Variants in QSOX1 observed in about 807,000 individuals in gnomAD.
The protein encoded by QSOX1 is sulfhydryl oxidase 1.
A neutral mutation model predicts 76.1 loss-of-function variants in QSOX1; 40 were observed. The ratio of observed to expected loss-of-function variants is 0.53; its 90% CI spans 0.41 to 0.68. The LOEUF is 0.68. Ranked by LOEUF, QSOX1 falls within the 30% of genes least tolerant of loss-of-function variation. The pLI is 0.00. For missense variants in QSOX1, 931 were observed against 974.3 expected (o/e 0.96, Z 0.59); for synonymous variants, 392 against 413.1 (o/e 0.95, Z 0.62).
chr1:180,174,115 C>G (rs988577090), intron 2 of QSOX1, among the ~76,000 whole-genome samples: 1 of 152,230 alleles, frequency 6.6e-6, no homozygotes, highest in Non-Finnish European at 1.5e-5. Context: ...AAAGTGGCCC[C>G]GAGGCTAGAG....
chr1:180,190,643 GGA>G, intron 10 of QSOX1, 63 bp downstream of exon 10: 2 of 1,496,992 alleles, frequency 1.3e-6, no homozygotes, highest in South Asian at 1.2e-5. Context: ...CCCTCCAAGG[GGA>G]GAGGGGGCAG....
At chr1:180,160,268 C>T (rs1467950339) in intron 1 of QSOX1, among the ~76,000 whole-genome samples, 2 of 151,880 alleles carry the variant, frequency 1.3e-5, no homozygotes, top group Non-Finnish European at 2.9e-5. Flanking sequence ...CATTTTTTTG[C>T]AACTGAGTCT....
intron 1 of QSOX1, among the ~76,000 whole-genome samples, chr1:180,164,906 A>G (rs893759640): frequency 1.3e-5 from 2 of 152,162 alleles, no homozygotes; most frequent in African/African-American, 4.8e-5. Flanking sequence ...ACAGAAGGCA[A>G]AGCAGGAGAG....
At chr1:180,164,827 C>T (rs1342508828) in intron 1 of QSOX1, among the ~76,000 whole-genome samples, 1 of 152,158 alleles carries the variant, frequency 6.6e-6, no homozygotes, top group Non-Finnish European at 1.5e-5. Flanking sequence ...TTAATTGGCT[C>T]AGGGTTCTGG....
chr1:180,182,390 G>T, intron 6 of QSOX1, 71 bp downstream of exon 6: 1 of 1,577,382 alleles, frequency 6.3e-7, no homozygotes, highest in South Asian at 1.1e-5. Context: ...GCCCAGAGGG[G>T]CTGCCCGCCT....
rs1435768917 is a variant in QSOX1, at chr1:180,198,505, T to G, written c.*1468T>G. 2.4e-6 allele frequency: 1 copy of G among 418,870 alleles called. No homozygotes were observed. Among genetic ancestry groups the G allele is most frequent in the African/African-American group, 2.0e-5 (1 of 49,098 alleles). 25.9% of individuals were successfully genotyped at this position (418,870 alleles called of 1,614,324 possible). ...GGGGAGCAGGAGCCTCAATCCGATT[T>G]GGTTTTCTCTTTGACATCTTCACTC... is the stretch of plus-strand genomic sequence containing the variant. On this transcript the variant is annotated 3_prime_UTR_variant, in exon 12 of 12. Coordinates refer to ENST00000367602, the MANE Select transcript of QSOX1 (RefSeq NM_002826.5).
chr1:180,175,524 C>A (rs1370653157), intron 3 of QSOX1, among the ~76,000 whole-genome samples, 158 bp downstream of exon 3: 1 of 152,214 alleles, frequency 6.6e-6, no homozygotes, highest in East Asian at 1.9e-4. Context: ...CCAAAACTAT[C>A]CTCCCAGTCA....
rs768556738 is a variant in QSOX1 at position 180,196,386 on chromosome 1, C to G, written c.1593C>G (p.Leu531=). Residue 531 remains leucine (L), a synonymous_variant, in exon 12 of 12, where the codon CTC becomes CTG. Coordinates refer to ENST00000367602, the MANE Select transcript of QSOX1 (RefSeq NM_002826.5). The surrounding 1 kb of genome is among the most constrained non-coding windows in gnomAD (Gnocchi z 4.1). ...VWDVEATLNF[L]KAHFSPSNII... is the part of the protein sequence containing the mutation. ...ACGTGGAAGCCACCCTCAACTTCCT[C>G]AAGGCCCACTTCTCCCCAAGCAACA... The G allele has an allele frequency of 5.6e-6, 9 of 1,614,212 alleles. No homozygotes were observed. The highest frequency in any genetic ancestry group is 1.6e-4 in the Middle Eastern group (1 of 6,062).
Position 180,197,353 on chromosome 1 carries a change from A to T in QSOX1, c.*316A>T. 1 of 1,613,898 alleles carries T rather than the reference A, an allele frequency of 6.2e-7. No homozygotes were observed. The highest frequency in any genetic ancestry group is 8.5e-7 in the Non-Finnish European group (1 of 1,179,986). Reference sequence around the variant, plus strand: ...TTCAGCTTATTTGAAGTCCTGCCTCATTCTCACTGGAGCCTCAGTCTCTCC... The same window carrying T: ...TTCAGCTTATTTGAAGTCCTGCCTCTTTCTCACTGGAGCCTCAGTCTCTCC... On this transcript the variant is annotated 3_prime_UTR_variant, in exon 12 of 12. Coordinates refer to ENST00000367602, the MANE Select transcript of QSOX1 (RefSeq NM_002826.5).
intron 5 of QSOX1, 101 bp downstream of exon 5, chr1:180,178,985 C>T: frequency 1.8e-6 from 2 of 1,082,262 alleles, no homozygotes; most frequent in Non-Finnish European, 2.8e-6. Flanking sequence ...GTCTTGGCTG[C>T]CTGGGTCTTT....
intron 1 of QSOX1, among the ~76,000 whole-genome samples, chr1:180,165,476 C>T (rs1558184203): frequency 6.6e-6 from 1 of 152,258 alleles, no homozygotes; most frequent in East Asian, 1.9e-4. Context: ...TGGTTTCTGC[C>T]AGTCCTCTCC....
chr1:180,185,864 T>C (rs1335344859), intron 7 of QSOX1, among the ~76,000 whole-genome samples, 189 bp from the exon 8 acceptor site: 2 of 152,214 alleles, frequency 1.3e-5, no homozygotes, highest in Non-Finnish European at 2.9e-5. Flanking sequence ...GAATTGAGGC[T>C]CAGAGAAATT....
intron 2 of QSOX1, among the ~76,000 whole-genome samples, chr1:180,167,027 A>C (rs1330952322): frequency 1.3e-5 from 2 of 152,242 alleles, no homozygotes; most frequent in Non-Finnish European, 1.5e-5. Context: ...GATCCCCGGC[A>C]CGGGAGTTAT....
rs1663400389 is a variant in QSOX1 at position 180,194,259 on chromosome 1, C to T, written c.1335C>T (p.Tyr445=). The T allele has an allele frequency of 3.7e-6, 6 of 1,613,276 alleles. No homozygotes were observed. In the East Asian group the frequency reaches 1.3e-4, roughly 36 times the overall value. The part of the protein sequence containing the change: ...VLPAIRGYVH[Y]FFGCRDCASH... ...CAGCCATCCGAGGCTACGTGCACTA[C>T]TTCTTCGGCTGCCGAGACTGCGCTA... The change falls in exon 11 of 12, where the codon TAC becomes TAT. Residue 445 remains tyrosine, a synonymous_variant. Transcript: ENST00000367602.
chr1:180,188,823 T>C (rs3767166), intron 8 of QSOX1, among the ~76,000 whole-genome samples: 136,768 of 152,210 alleles, frequency 0.9, 61,882 homozygotes, highest in Non-Finnish European at 0.95. Flanking sequence ...TGCTGCTGTG[T>C]CCCTCTTTCT....
Position 180,157,915 on chromosome 1 carries a change from C to T in QSOX1, c.265+2743C>T, listed in dbSNP as rs149058138. 6.0e-3 allele frequency among the ~76,000 whole-genome samples: 912 copies of T among 152,292 alleles called. 4 individuals are homozygous for T. The highest frequency in any genetic ancestry group is 0.011 in the Non-Finnish European group (730 of 68,028). ...TTTGAAAAAGGCCAAAGGAGTGGTT[C>T]AGCCATTTCTTATGGGAACCCAGGG... On this transcript the variant is annotated intron_variant, in intron 1 of 11. Coordinates refer to ENST00000367602, the MANE Select transcript of QSOX1 (RefSeq NM_002826.5).
intron 1 of QSOX1, among the ~76,000 whole-genome samples, chr1:180,157,245 G>A (rs1300238121): frequency 6.6e-6 from 1 of 152,246 alleles, no homozygotes; most frequent in African/African-American, 2.4e-5. Flanking sequence ...TGAGCCATTG[G>A]TGTGAGTCAG....
Position 180,194,307 on chromosome 1 carries a change from T to C in QSOX1, c.1383T>C (p.Ala461=), listed in dbSNP as rs1446751303. The C allele has an allele frequency of 9.9e-6, 16 of 1,611,798 alleles. No homozygotes were observed. Among genetic ancestry groups the C allele is most frequent in the Non-Finnish European group, 1.4e-5 (16 of 1,178,568 alleles). Residue 461 remains alanine (A), a synonymous_variant, in exon 11 of 12, where the codon GCT becomes GCC. Coordinates refer to ENST00000367602, the MANE Select transcript of QSOX1 (RefSeq NM_002826.5). Reference sequence around the variant, plus strand: ...CTAGCCACTTCGAGCAGATGGCTGCTGCCTCCATGCACCGGGTGGGGAGTC... The same window carrying C: ...CTAGCCACTTCGAGCAGATGGCTGCCGCCTCCATGCACCGGGTGGGGAGTC... The part of the protein sequence containing the change: ...DCASHFEQMA[A]ASMHRVGSPN...
At position 180,194,232 on chromosome 1, in the gene QSOX1, C is replaced by G. The variant is rs747367110; in HGVS notation, c.1308C>G (p.Leu436=). 8.1e-6 allele frequency: 13 copies of G among 1,612,594 alleles called. No homozygotes were observed. In the African/African-American group the frequency reaches 1.6e-4, roughly 20 times the overall value. The change falls in exon 11 of 12, where the codon CTC becomes CTG. Residue 436 remains leucine (L), a synonymous_variant. Coordinates refer to ENST00000367602, the MANE Select transcript of QSOX1 (RefSeq NM_002826.5). ...CTGTAGCCAAGGCCAAGGAGGTCCT[C>G]CCAGCCATCCGAGGCTACGTGCACT... The part of the protein sequence containing the change: ...SQEAAKAKEV[L]PAIRGYVHYF...
Sources: gnomAD v4.1 joint callset for allele counts (sites outside exome capture counted in the v4.1 genomes callset) on GRCh38, gnomAD v4.1.1 for gene constraint, Gnocchi (gnomAD v3.1) non-coding constraint, MANE v1.5 for transcripts, NCBI Gene and HGNC (gene_info 2026-07-23, HGNC 2026-07-21) for gene names.